The following PRR16 variants were observed in gnomAD, a reference collection of about 807,000 sequenced individuals.
PRR16 encodes the protein proline rich 16.
PRR16 carries 6 observed loss-of-function variants against 18.2 expected under a neutral mutation model. The observed-to-expected ratio is 0.33, with a 90% CI of 0.18 to 0.65. PRR16 has a LOEUF of 0.65. PRR16 is among the 30% of genes least tolerant of loss of function. The pLI is 0.74. For missense variants in PRR16, 412 were observed against 376.6 expected, an observed-to-expected ratio of 1.09 and a Z score of -0.78; for synonymous variants, 151 against 147.8, an observed-to-expected ratio of 1.02 and a Z score of -0.16.
chr5:120,694,682 C>CAAA, the PRR16 span, among the ~76,000 whole-genome samples: 2 of 116,156 alleles, frequency 1.7e-5, no homozygotes, highest in Non-Finnish European at 1.8e-5. Flanking sequence ...GACTCCGTCT[C>CAAA]AAAAAAAAAA....
rs1194395214 is a variant in PRR16 at position 120,575,849 on chromosome 5, G to A, written c.160-110105G>A. On this transcript the variant is annotated intron_variant, in intron 1 of 1. Transcript: ENST00000407149. ...TAAAAACATTCAAATTAGCAAGGAG[G>A]AAGTCAAATTATTCCTGTTTGTAAA... 2.0e-5 allele frequency among the ~76,000 whole-genome samples: 3 copies of A among 152,144 alleles called. No homozygotes were observed. In the East Asian group the frequency reaches 5.8e-4, roughly 29 times the overall value.
chr5:120,736,130 C>T, the PRR16 span, among the ~76,000 whole-genome samples: 19 of 152,144 alleles, frequency 1.2e-4, no homozygotes, highest in Admixed American at 3.3e-4. Flanking sequence ...TGACCACACA[C>T]GCAAGGTTTT....
chr5:120,580,300 T>C (rs907018647), intron 1 of PRR16, among the ~76,000 whole-genome samples: 3 of 152,168 alleles, frequency 2.0e-5, no homozygotes, highest in Non-Finnish European at 4.4e-5. Flanking sequence ...GGCATTCTTG[T>C]CTTGTATCAG....
intron 1 of PRR16, among the ~76,000 whole-genome samples, chr5:120,634,022 A>G (rs778113228): frequency 6.6e-6 from 1 of 152,308 alleles, no homozygotes; most frequent in African/African-American, 2.4e-5. Flanking sequence ...ATTCTCTAAG[A>G]TAAGCCACAA....
At chr5:120,704,917 T>G in the PRR16 span, among the ~76,000 whole-genome samples, 1 of 152,176 alleles carries the variant, frequency 6.6e-6, no homozygotes, top group Admixed American at 6.5e-5. Context: ...TCAAAAAGTT[T>G]ACGTGGAGCA....
chr5:120,478,386 T>A (rs1749509198), intron 1 of PRR16, among the ~76,000 whole-genome samples: 2 of 152,200 alleles, frequency 1.3e-5, no homozygotes. Context: ...AATCTACTAG[T>A]TTCATTAAAC....
chr5:120,526,350 C>A (rs1012263601), intron 1 of PRR16, among the ~76,000 whole-genome samples: 65 of 152,280 alleles, frequency 4.3e-4, no homozygotes, highest in African/African-American at 1.5e-3. Flanking sequence ...CATATCATGA[C>A]TTTCAGATCT....
chr5:120,734,599 G>A, the PRR16 span, among the ~76,000 whole-genome samples: 1 of 152,064 alleles, frequency 6.6e-6, no homozygotes, highest in Non-Finnish European at 1.5e-5. Flanking sequence ...ATTGGTTGAT[G>A]TCCTCTGATT....
chr5:120,616,882 T>C (rs1326085442), intron 1 of PRR16, among the ~76,000 whole-genome samples: 1 of 152,162 alleles, frequency 6.6e-6, no homozygotes, highest in Non-Finnish European at 1.5e-5. Flanking sequence ...TCACTCACAA[T>C]ACGTGGTCTT....
chr5:120,709,989 C>A, the PRR16 span, among the ~76,000 whole-genome samples: 3 of 152,084 alleles, frequency 2.0e-5, no homozygotes, highest in African/African-American at 7.2e-5. Flanking sequence ...GGATATATAA[C>A]CACCAGTGAG....
intron 1 of PRR16, among the ~76,000 whole-genome samples, chr5:120,561,464 T>C (rs1752572963): frequency 6.6e-6 from 1 of 152,178 alleles, no homozygotes; most frequent in Non-Finnish European, 1.5e-5. Context: ...CTCATTTCAT[T>C]GTGGTCAGAG....
At chr5:120,777,364 G>T in the PRR16 span, among the ~76,000 whole-genome samples, 1 of 151,886 alleles carries the variant, frequency 6.6e-6, no homozygotes, top group African/African-American at 2.4e-5. Flanking sequence ...ATTTAAAATT[G>T]CTGTTGTGTT....
In PRR16 at chr5:120,491,502, C is replaced by CT. The variant is rs1189753376; in HGVS notation, c.159+26861dup. Among the ~76,000 whole-genome samples, 13 of 141,228 alleles carry CT rather than the reference C, an allele frequency of 9.2e-5. No individual in the cohort carries two copies. The Admixed American group carries it at 1.0e-3, about 11-fold the overall frequency. 92.7% of individuals were successfully genotyped at this position (141,228 alleles called of 152,430 possible). A position where few individuals can be genotyped will look rare whatever the true frequency, so the allele number is the denominator to read the frequency against. ...TCCTTTCTTCCTTCCTTCCTTCCTT[C>CT]TTTTCTCTCTGTCTTTCTGTCTCTC... On this transcript the variant is annotated intron_variant, in intron 1 of 1. Transcript: ENST00000407149.
At chr5:120,636,558 G>A (rs1000210370) in intron 1 of PRR16, among the ~76,000 whole-genome samples, 1 of 152,196 alleles carries the variant, frequency 6.6e-6, no homozygotes, top group Non-Finnish European at 1.5e-5. Context: ...AACAAATGGT[G>A]TTGGGGTAAC....
intron 1 of PRR16, among the ~76,000 whole-genome samples, chr5:120,638,867 C>T (rs1755332377): frequency 6.6e-6 from 1 of 151,840 alleles, no homozygotes; most frequent in Non-Finnish European, 1.5e-5. Flanking sequence ...TAATAATGGC[C>T]CCAATATAAT....
chr5:120,510,165 T>A (rs1750784727), intron 1 of PRR16, among the ~76,000 whole-genome samples: 1 of 152,216 alleles, frequency 6.6e-6, no homozygotes, highest in African/African-American at 2.4e-5. Context: ...ATTAACTTAC[T>A]CTGACTTAGT....
chr5:120,559,571 T>C (rs1307912307), intron 1 of PRR16, among the ~76,000 whole-genome samples: 1 of 151,908 alleles, frequency 6.6e-6, no homozygotes, highest in Non-Finnish European at 1.5e-5. Flanking sequence ...TGTGGTATAA[T>C]CAGAAATAAG....
At chr5:120,477,499 T>A (rs1749480617) in intron 1 of PRR16, among the ~76,000 whole-genome samples, 2 of 152,154 alleles carry the variant, frequency 1.3e-5, no homozygotes, top group Non-Finnish European at 2.9e-5. Flanking sequence ...TCTGACCAAT[T>A]TTTACCTCTT....
intron 1 of PRR16, among the ~76,000 whole-genome samples, chr5:120,635,708 C>A (rs917514365): frequency 6.6e-6 from 1 of 152,070 alleles, no homozygotes; most frequent in Non-Finnish European, 1.5e-5. Context: ...AGGACTGGAA[C>A]AAGACAAGGA....
Sources: gnomAD v4.1 joint callset for allele counts (sites outside exome capture counted in the v4.1 genomes callset) on GRCh38, gnomAD v4.1.1 for gene constraint, MANE v1.5 for transcripts, NCBI Gene and HGNC (gene_info 2026-07-23, HGNC 2026-07-21) for gene names.